Variants in BPIFC observed in about 807,000 individuals in gnomAD.
The protein encoded by BPIFC is BPI fold containing family C.
A neutral mutation model predicts 57.6 loss-of-function variants in BPIFC; 60 were observed. The ratio of observed to expected loss-of-function variants is 1.04; its 90% CI spans 0.85 to 1.29. BPIFC has a LOEUF of 1.29. BPIFC is among the 50% of genes most tolerant of loss of function. The pLI, the probability that BPIFC is intolerant of heterozygous loss-of-function variation, is 0.00. For synonymous variants in BPIFC, 243 were observed against 224.5 expected (o/e 1.08, Z -0.74); for missense variants, 581 against 600.5 (o/e 0.97, Z 0.34).
At chr22:32,432,640 T>C (rs1375048321) in intron 11 of BPIFC, 97 bp from the exon 12 acceptor site, 7 of 1,185,070 alleles carry the variant, frequency 5.9e-6, no homozygotes, top group African/African-American at 3.1e-5. Context: ...AAATCTTACA[T>C]TGTGCAGTTA....
At chr22:32,425,480 G>A (rs962626008) in intron 13 of BPIFC, among the ~76,000 whole-genome samples, 5 of 152,204 alleles carry the variant, frequency 3.3e-5, no homozygotes, top group Admixed American at 6.5e-5. Flanking sequence ...ACAGGGGAGC[G>A]AAGTGTATTC....
intron 10 of BPIFC, among the ~76,000 whole-genome samples, chr22:32,434,092 ATATATC>A (rs1934320542): frequency 6.7e-6 from 1 of 149,656 alleles, no homozygotes; most frequent in Non-Finnish European, 1.5e-5. Context: ...TTATATATAT[ATATATC>A]TATATGTACA....
At chr22:32,421,549 G>A (rs1479997389) in intron 13 of BPIFC, among the ~76,000 whole-genome samples, 2 of 152,076 alleles carry the variant, frequency 1.3e-5, no homozygotes, top group Non-Finnish European at 2.9e-5. Context: ...CATCCCCAGG[G>A]GAAGCTACGT....
intron 15 of BPIFC, 115 bp downstream of exon 15, chr22:32,416,970 A>C (rs1933696357): frequency 1.0e-6 from 1 of 965,630 alleles, no homozygotes; most frequent in Non-Finnish European, 1.7e-6. Context: ...TCATGATAAC[A>C]TGATAGAAGT....
intron 2 of BPIFC, among the ~76,000 whole-genome samples, chr22:32,460,296 C>T (rs1053497221): frequency 2.0e-5 from 3 of 152,098 alleles, no homozygotes; most frequent in African/African-American, 4.8e-5. Context: ...CACCAGTGTA[C>T]GCAGCTGGGT....
rs532799387 is a variant in BPIFC at position 32,442,654 on chromosome 22, A to T, written c.655+17T>A. ...GTAGGAAGACAACCATCTGGAAAAG[A>T]CAGTTCTAAGACTCACCCTCCAGTG... On this transcript the variant is annotated intron_variant, in intron 8 of 16. Transcript: ENST00000300399. 1.2e-6 allele frequency: 2 copies of T among 1,610,898 alleles called. No individual in the cohort carries two copies. The highest frequency in any genetic ancestry group is 2.7e-5 in the African/African-American group (2 of 74,958).
At chr22:32,436,123 G>A (rs986299198) in intron 9 of BPIFC, among the ~76,000 whole-genome samples, 9 of 151,912 alleles carry the variant, frequency 5.9e-5, no homozygotes, top group Admixed American at 2.0e-4. Flanking sequence ...GGCAGGCCCC[G>A]TTTCTATAAA....
intron 10 of BPIFC, 76 bp downstream of exon 10, chr22:32,435,628 A>C (rs1934367589): frequency 1.4e-6 from 2 of 1,466,346 alleles, no homozygotes; most frequent in Non-Finnish European, 9.2e-7. Flanking sequence ...ATTGTGGCAT[A>C]AAAGTTCTAC....
intron 13 of BPIFC, among the ~76,000 whole-genome samples, chr22:32,424,685 T>C (rs1471269416): frequency 6.7e-5 from 6 of 89,024 alleles, no homozygotes; most frequent in Non-Finnish European, 1.2e-4. Flanking sequence ...TTCTTCTTCT[T>C]CTTCTTCCTC....
At chr22:32,419,803 CAAAA>C (rs34812283) in intron 13 of BPIFC, among the ~76,000 whole-genome samples, 19,101 of 102,968 alleles carry the variant, frequency 0.19, 1,375 homozygotes, top group Non-Finnish European at 0.22. Flanking sequence ...GAGACCCTGT[CAAAA>C]AAAAAAAAAA....
In BPIFC at chr22:32,415,947, A is replaced by G. The variant is rs903166567; in HGVS notation, c.1369T>C (p.Leu457=). 2 of 1,595,258 alleles carry G rather than the reference A, an allele frequency of 1.3e-6. No individual in the cohort carries two copies. The highest frequency in any genetic ancestry group is 1.7e-4 in the Middle Eastern group (1 of 6,026). ...GFPLSNPHKF[L]FVNSDIEVLE... The stretch of plus-strand genomic sequence containing the variant: ...ACTTCAATATCTGAATTGACGAATA[A>G]GAATTTGTGTGGATTGGACAGAGGA... Residue 457 remains leucine, a synonymous_variant, in exon 16 of 17, where the codon TTA becomes CTA. Coordinates refer to ENST00000300399, the MANE Select transcript of BPIFC (RefSeq NM_174932.3).
At chr22:32,444,401 TATA>T (rs1365561951) in intron 7 of BPIFC, among the ~76,000 whole-genome samples, 2 of 152,186 alleles carry the variant, frequency 1.3e-5, no homozygotes, top group Non-Finnish European at 2.9e-5. Flanking sequence ...ATTAAGCACC[TATA>T]ATGTCTGTCA....
chr22:32,424,717 CTCTTCT>C (rs1172758281), intron 13 of BPIFC, among the ~76,000 whole-genome samples: 1 of 52,534 alleles, frequency 1.9e-5, no homozygotes, highest in African/African-American at 1.3e-4. Context: ...CTTCTTCTTC[CTCTTCT>C]TCTTCCTCTT....
intron 3 of BPIFC, among the ~76,000 whole-genome samples, chr22:32,453,945 A>AAC (rs1934969779): frequency 1.8e-5 from 2 of 113,776 alleles, no homozygotes; most frequent in African/African-American, 5.4e-5. Flanking sequence ...ACAACAACAA[A>AAC]AAAAAAAATT....
chr22:32,448,929 T>G (rs1270068544), intron 4 of BPIFC, among the ~76,000 whole-genome samples: 1 of 151,756 alleles, frequency 6.6e-6, no homozygotes, highest in Non-Finnish European at 1.5e-5. Flanking sequence ...AGTGTGAGAC[T>G]TCGTCTCAAA....
At position 32,429,207 on chromosome 22, in the gene BPIFC, T is replaced by C. The variant is rs1337522810; in HGVS notation, c.1217+2140A>G. ...TTTCCATGTTTCTTTTCTTTTTTTC[T>C]TTTTCTTTTTTTTTTCTGAGATGGA... On this transcript the variant is annotated intron_variant, in intron 13 of 16. Coordinates refer to ENST00000300399, the MANE Select transcript of BPIFC (RefSeq NM_174932.3). 2.4e-5 allele frequency among the ~76,000 whole-genome samples: 3 copies of C among 125,912 alleles called. No individual in the cohort carries two copies. In the East Asian group the frequency reaches 5.8e-4, roughly 24 times the overall value. 82.6% of individuals were successfully genotyped at this position (125,912 alleles called of 152,430 possible).
intron 14 of BPIFC, among the ~76,000 whole-genome samples, chr22:32,418,874 T>C (rs1187274343): frequency 6.6e-6 from 1 of 151,962 alleles, no homozygotes; most frequent in African/African-American, 2.4e-5. Context: ...CATCTTCCAA[T>C]CAGAAAGTCA....
intron 16 of BPIFC, 74 bp from the exon 17 acceptor site, chr22:32,414,499 G>C (rs973970586): frequency 3.8e-5 from 58 of 1,525,032 alleles, no homozygotes; most frequent in Middle Eastern, 1.8e-4. Context: ...GTGAGGAAGA[G>C]ATGGCTTCTT....
At chr22:32,448,537 C>A (rs1412834491) in intron 4 of BPIFC, among the ~76,000 whole-genome samples, 1 of 152,144 alleles carries the variant, frequency 6.6e-6, no homozygotes, top group Non-Finnish European at 1.5e-5. Context: ...AGTGGAGAAA[C>A]TTAGAGAGTT....
Sources: allele counts gnomAD v4.1 joint callset (sites outside exome capture counted in the v4.1 genomes callset), GRCh38; gene constraint gnomAD v4.1.1; transcripts MANE v1.5; gene names NCBI Gene and HGNC (gene_info 2026-07-23, HGNC 2026-07-21).